The following BICD1 variants were observed in gnomAD, a reference collection of about 807,000 sequenced individuals.
The protein encoded by BICD1 is BICD cargo adaptor 1, also known as protein bicaudal D homolog 1.
A neutral mutation model predicts 92.5 loss-of-function variants in BICD1; 35 were observed. The observed-to-expected ratio is 0.38, with a 90% CI of 0.29 to 0.50. The LOEUF is 0.50. BICD1 is among the 20% of genes least tolerant of loss of function. The probability of loss-of-function intolerance (pLI) is 0.93; values close to 1 mark genes in which losing one functional copy is unlikely to be tolerated. For missense variants in BICD1, 950 were observed against 1,189.8 expected (o/e 0.80, Z 2.97); for synonymous variants, 429 against 465.1 (o/e 0.92, Z 1.00).
chr12:32,111,246 T>G (rs1446553675), intron 1 of BICD1, among the ~76,000 whole-genome samples: 4 of 152,238 alleles, frequency 2.6e-5, no homozygotes, highest in African/African-American at 9.6e-5. Context: ...GAAGAAGCAC[T>G]TTCTGGACAT....
intron 8 of BICD1, among the ~76,000 whole-genome samples, chr12:32,357,350 G>A (rs1042253206): frequency 2.6e-5 from 4 of 151,928 alleles, no homozygotes; most frequent in East Asian, 1.9e-4. Flanking sequence ...CTTGCCTTTC[G>A]TATATATCTT....
chr12:32,138,676 T>C (rs139947238), intron 1 of BICD1, among the ~76,000 whole-genome samples: 1 of 152,204 alleles, frequency 6.6e-6, no homozygotes, highest in Admixed American at 6.5e-5. Context: ...TGCCCAAATA[T>C]AGGCTAATGT....
intron 4 of BICD1, among the ~76,000 whole-genome samples, chr12:32,322,754 C>G (rs1478648411): frequency 2.0e-5 from 3 of 152,198 alleles, no homozygotes; most frequent in Admixed American, 1.3e-4. Context: ...TATTAAATCT[C>G]AACTGTCAGA....
intron 2 of BICD1, among the ~76,000 whole-genome samples, chr12:32,241,768 A>C: frequency 6.6e-6 from 1 of 152,168 alleles, no homozygotes; most frequent in Non-Finnish European, 1.5e-5. Flanking sequence ...ATCCCATCAA[A>C]TCACAGACTA....
chr12:32,305,822 C>A lies in BICD1; in HGVS notation c.705C>A (p.Leu235=). Residue 235 remains leucine, a synonymous_variant, in exon 4 of 10, where the codon CTC becomes CTA. Transcript: ENST00000652176. ...CTGAGCACCAACTGGAAGAAGCCCT[C>A]GAGACTTTAAAAAATGAAAGAGAGC... ...EIAEHQLEEA[L]ETLKNEREQK... 1 of 1,614,024 alleles carries A rather than the reference C, an allele frequency of 6.2e-7. No homozygotes were observed. The highest frequency in any genetic ancestry group is 1.1e-5 in the South Asian group (1 of 91,068).
intron 2 of BICD1, among the ~76,000 whole-genome samples, chr12:32,292,866 T>G (rs928915864): frequency 1.3e-5 from 2 of 152,226 alleles, no homozygotes; most frequent in African/African-American, 4.8e-5. Context: ...TGTATAAATG[T>G]TTATATCTGT....
chr12:32,129,171 G>A (rs776698217), intron 1 of BICD1, among the ~76,000 whole-genome samples: 9 of 151,532 alleles, frequency 5.9e-5, no homozygotes, highest in Non-Finnish European at 1.3e-4. Context: ...CTGACCTCAG[G>A]TGATCCGCCT....
intron 2 of BICD1, among the ~76,000 whole-genome samples, chr12:32,262,529 C>T (rs1012895501): frequency 6.6e-6 from 1 of 152,242 alleles, no homozygotes; most frequent in African/African-American, 2.4e-5. Flanking sequence ...TCCACACATA[C>T]TAACCCTTGG....
intron 1 of BICD1, among the ~76,000 whole-genome samples, chr12:32,142,236 T>C (rs914011125): frequency 2.0e-5 from 3 of 151,604 alleles, no homozygotes; most frequent in Admixed American, 1.3e-4. Context: ...TGAAACCCCG[T>C]CTCTATTAAA....
intron 8 of BICD1, chr12:32,340,718 G>A (rs1386356437): frequency 4.8e-6 from 1 of 206,720 alleles, no homozygotes; most frequent in Admixed American, 6.5e-5. Context: ...GCTTTTCCAT[G>A]TTGCTATCTA....
chr12:32,117,206 T>C (rs1407745883), intron 1 of BICD1, among the ~76,000 whole-genome samples: 1 of 152,212 alleles, frequency 6.6e-6, no homozygotes, highest in Non-Finnish European at 1.5e-5. Flanking sequence ...TTGCTGAGAA[T>C]ACTCTATGGG....
chr12:32,128,724 A>T (rs1417842666), intron 1 of BICD1, among the ~76,000 whole-genome samples: 1 of 151,912 alleles, frequency 6.6e-6, no homozygotes, highest in East Asian at 1.9e-4. Flanking sequence ...ATAATATATC[A>T]ATATGAGAAA....
At chr12:32,126,008 C>T (rs958041003) in intron 1 of BICD1, among the ~76,000 whole-genome samples, 2 of 143,964 alleles carry the variant, frequency 1.4e-5, no homozygotes, top group African/African-American at 5.2e-5. Context: ...GAGATTGTGT[C>T]ACTGCACTCC....
chr12:32,142,453 C>CCGAT (rs1555134301), intron 1 of BICD1, among the ~76,000 whole-genome samples: 1 of 112,882 alleles, frequency 8.9e-6, no homozygotes, highest in Non-Finnish European at 1.7e-5. Flanking sequence ...ACCTATCTAT[C>CCGAT]CTATCTATCT....
At chr12:32,161,815 C>G (rs1943610863) in intron 1 of BICD1, among the ~76,000 whole-genome samples, 1 of 152,168 alleles carries the variant, frequency 6.6e-6, no homozygotes, top group African/African-American at 2.4e-5. Context: ...CCATGTCTAT[C>G]ACCTGGCATA....
intron 2 of BICD1, among the ~76,000 whole-genome samples, chr12:32,224,156 TTCTGTGAAGGCA>T (rs1374032255): frequency 2.0e-5 from 3 of 152,192 alleles, no homozygotes; most frequent in African/African-American, 7.2e-5. Flanking sequence ...AAGCGGACAC[TTCTGTGAAGGCA>T]TGGCTTGGCT....
chr12:32,120,114 ATTTAT>A (rs146207706), intron 1 of BICD1, among the ~76,000 whole-genome samples: 3,414 of 152,190 alleles, frequency 0.022, 66 homozygotes, highest in African/African-American at 0.048. Context: ...TATTGTGTCT[ATTTAT>A]TTTATTCTGT....
intron 2 of BICD1, among the ~76,000 whole-genome samples, chr12:32,252,995 A>G (rs1046116735): frequency 6.6e-6 from 1 of 151,822 alleles, no homozygotes; most frequent in Non-Finnish European, 1.5e-5. Flanking sequence ...GGATTCTCCC[A>G]CCTCAGCCTC....
At chr12:32,324,223 C>T (rs111491753) in intron 4 of BICD1, among the ~76,000 whole-genome samples, 9,389 of 151,992 alleles carry the variant, frequency 0.062, 410 homozygotes, top group Middle Eastern at 0.13. Context: ...GGTGTGGTGG[C>T]GTGTGCCTGT....
Sources: allele counts gnomAD v4.1 joint callset (sites outside exome capture counted in the v4.1 genomes callset), GRCh38; gene constraint gnomAD v4.1.1; transcripts MANE v1.5; gene names NCBI Gene and HGNC (gene_info 2026-07-23, HGNC 2026-07-21).